ESCO1: variants seen among roughly 807,000 people sequenced by gnomAD.
The protein encoded by ESCO1 is N-acetyltransferase ESCO1.
ESCO1 carries 33 observed loss-of-function variants against 83.5 expected under a neutral mutation model. The observed-to-expected ratio is 0.40, with a 90% CI of 0.30 to 0.53. The LOEUF (loss-of-function observed/expected upper bound fraction) is 0.53, where lower values mean the gene tolerates loss of function less well. Among genes scored for constraint, ESCO1 ranks in the 20% least tolerant of loss-of-function variants. The probability of loss-of-function intolerance (pLI) is 0.63; values close to 1 mark genes in which losing one functional copy is unlikely to be tolerated. For missense variants in ESCO1, 855 were observed against 968.0 expected, an observed-to-expected ratio of 0.88 and a Z score of 1.55; for synonymous variants, 332 against 324.3, an observed-to-expected ratio of 1.02 and a Z score of -0.25.
At chr18:21,575,457 G>A (rs1183307693) in intron 3 of ESCO1, 27 bp from the exon 4 acceptor site, 6 of 397,976 alleles carry the variant, frequency 1.5e-5, no homozygotes, top group Non-Finnish European at 2.2e-5. Flanking sequence ...CAAAAATAAA[G>A]TTTTGTACAA....
chr18:21,541,966 T>C (rs1400963443), intron 8 of ESCO1, among the ~76,000 whole-genome samples: 4 of 152,214 alleles, frequency 2.6e-5, no homozygotes, highest in Admixed American at 2.0e-4. Context: ...TATTTTGCTT[T>C]ACTAATTTTT....
intron 8 of ESCO1, among the ~76,000 whole-genome samples, chr18:21,541,498 C>T (rs1484021167): frequency 6.7e-6 from 1 of 149,116 alleles, no homozygotes; most frequent in Non-Finnish European, 1.5e-5. Flanking sequence ...GAGGCTGAGG[C>T]AGGAGAATTG....
intron 8 of ESCO1, among the ~76,000 whole-genome samples, chr18:21,558,353 A>G (rs745796088): frequency 8.5e-5 from 13 of 152,096 alleles, no homozygotes; most frequent in African/African-American, 2.9e-4. Flanking sequence ...GCCATTTCCA[A>G]TTGTTATCAG....
chr18:21,549,438 G>C (rs142912924), intron 8 of ESCO1, among the ~76,000 whole-genome samples: 1 of 151,502 alleles, frequency 6.6e-6, no homozygotes, highest in Non-Finnish European at 1.5e-5. Flanking sequence ...TTTTGGAGAC[G>C]GAGTCTCGCT....
At chr18:21,546,168 C>T (rs778665669) in intron 8 of ESCO1, among the ~76,000 whole-genome samples, 30 of 152,222 alleles carry the variant, frequency 2.0e-4, no homozygotes, top group Non-Finnish European at 3.4e-4. Context: ...ACCTAAAATT[C>T]GAATGCAAAC....
Position 21,573,349 on chromosome 18 carries a change from G to C in ESCO1, c.1495C>G (p.Gln499Glu). 1 of 1,585,916 alleles carries C rather than the reference G, an allele frequency of 6.3e-7. No individual in the cohort carries two copies. Among genetic ancestry groups the C allele is most frequent in the South Asian group, 1.2e-5 (1 of 84,904 alleles). The change falls in exon 4 of 12, where the codon CAG becomes GAG. Residue 499 changes from glutamine to glutamate, a missense_variant. Gln to Glu is a conservative substitution (Grantham distance 29, BLOSUM62 2). Coordinates refer to ENST00000269214, the MANE Select transcript of ESCO1 (RefSeq NM_052911.3). Reference sequence around the variant, plus strand: ...GCTGAATCAAAAGAATGTTTCATCTGATTATCCAATGGTGGGTCAGAAGGT... The same window carrying C: ...GCTGAATCAAAAGAATGTTTCATCTCATTATCCAATGGTGGGTCAGAAGGT... ...IKPSDPPLDN[Q>E]MKHSFDSASN...
At chr18:21,581,091 CA>C (rs1245323831) in intron 2 of ESCO1, among the ~76,000 whole-genome samples, 4 of 152,198 alleles carry the variant, frequency 2.6e-5, no homozygotes, top group Non-Finnish European at 4.4e-5. Context: ...GCGGGCTCAT[CA>C]CGAGGTCAGG....
At chr18:21,566,056 T>G in intron 6 of ESCO1, 90 bp downstream of exon 6, 1 of 1,153,410 alleles carries the variant, frequency 8.7e-7, no homozygotes, top group Non-Finnish European at 1.3e-6. Flanking sequence ...AAACTGAGGG[T>G]TACTAGCATA....
At chr18:21,577,680 C>G (rs1432252914) in intron 2 of ESCO1, among the ~76,000 whole-genome samples, 1 of 147,404 alleles carries the variant, frequency 6.8e-6, no homozygotes, top group Non-Finnish European at 1.5e-5. Context: ...AAAAAAAAAG[C>G]AGATATTCTC....
chr18:21,562,435 C>T (rs1393145046), intron 7 of ESCO1, among the ~76,000 whole-genome samples: 1 of 150,702 alleles, frequency 6.6e-6, no homozygotes, highest in African/African-American at 2.4e-5. Flanking sequence ...AAGATTGTGC[C>T]ACTGCACTCC....
Position 21,560,886 on chromosome 18 carries a change from G to T in ESCO1, c.1926C>A (p.Asn642Lys). 6.2e-7 allele frequency: 1 copy of T among 1,602,574 alleles called. No individual in the cohort carries two copies. The highest frequency in any genetic ancestry group is 2.3e-5 in the East Asian group (1 of 44,320). Reference protein sequence around the residue: ...EDETQHLLFHNQFISAVKYVG... With the variant: ...EDETQHLLFHKQFISAVKYVG... Reference sequence around the variant, plus strand: ...CATATTTAACAGCACTTATAAACTGGTTGTGGAAAAGCAGATGCTGTGTTT... The same window carrying T: ...CATATTTAACAGCACTTATAAACTGTTTGTGGAAAAGCAGATGCTGTGTTT... The change falls in exon 8 of 12, where the codon AAC becomes AAA. Residue 642 changes from asparagine (N) to lysine (K), a missense_variant. Around this residue, in one of 2 missense-constraint regions of ESCO1, gnomAD observed 129 missense variants for 268.5 expected, o/e 0.48. Transcript: ENST00000269214.
chr18:21,566,002 G>T, intron 6 of ESCO1, 144 bp downstream of exon 6: 1 of 665,612 alleles, frequency 1.5e-6, no homozygotes, highest in Non-Finnish European at 2.6e-6. Flanking sequence ...TAAACAGTAT[G>T]TATAGGCATA....
intron 8 of ESCO1, among the ~76,000 whole-genome samples, chr18:21,555,446 A>C (rs1443212825): frequency 6.6e-6 from 1 of 152,214 alleles, no homozygotes; most frequent in Non-Finnish European, 1.5e-5. Context: ...ACCAGTTATA[A>C]CAAATGTACA....
intron 8 of ESCO1, among the ~76,000 whole-genome samples, chr18:21,553,733 G>A (rs1424540301): frequency 4.6e-5 from 7 of 151,502 alleles, no homozygotes; most frequent in South Asian, 4.2e-4. Flanking sequence ...GGCGCATGCC[G>A]GCAATCCCAG....
intron 8 of ESCO1, among the ~76,000 whole-genome samples, chr18:21,552,610 C>T (rs921641872): frequency 4.6e-5 from 7 of 152,112 alleles, no homozygotes; most frequent in Admixed American, 3.3e-4. Flanking sequence ...TTTATAGCAG[C>T]GTGAGAACGG....
intron 8 of ESCO1, among the ~76,000 whole-genome samples, chr18:21,559,953 G>A (rs1263405795): frequency 1.3e-5 from 2 of 151,920 alleles, no homozygotes; most frequent in Admixed American, 6.6e-5. Context: ...CCCTTCAACC[G>A]AAGGTAAGTA....
intron 4 of ESCO1, among the ~76,000 whole-genome samples, chr18:21,571,299 C>T (rs971129543): frequency 1.3e-5 from 2 of 151,934 alleles, no homozygotes; most frequent in Non-Finnish European, 2.9e-5. Flanking sequence ...ATGATTCTTC[C>T]ACCTCAGCCT....
chr18:21,539,862 A>AG (rs2037881613), intron 9 of ESCO1, 58 bp downstream of exon 9: 1 of 1,503,680 alleles, frequency 6.7e-7, no homozygotes, highest in East Asian at 2.3e-5. Context: ...TAAAAAAAAA[A>AG]AAAATTAACT....
chr18:21,532,744 A>C, intron 10 of ESCO1, 84 bp from the exon 11 acceptor site: 2 of 1,333,502 alleles, frequency 1.5e-6, no homozygotes, highest in Non-Finnish European at 2.0e-6. Context: ...CGGTTATGAC[A>C]TTTGACTGGC....
Sources: allele counts gnomAD v4.1 joint callset (sites outside exome capture counted in the v4.1 genomes callset), GRCh38; gene constraint gnomAD v4.1.1; regional missense constraint gnomAD v4.1.1; transcripts MANE v1.5; gene names NCBI Gene and HGNC (gene_info 2026-07-23, HGNC 2026-07-21).